The following HLCS variants were observed in gnomAD, a reference collection of about 807,000 sequenced individuals.
HLCS encodes biotin--protein ligase.
HLCS carries 53 observed loss-of-function variants against 75.0 expected under a neutral mutation model. The ratio of observed to expected loss-of-function variants is 0.71; its 90% CI spans 0.57 to 0.89. The LOEUF is 0.89. HLCS is among the 40% of genes least tolerant of loss of function. The pLI, the probability that HLCS is intolerant of heterozygous loss-of-function variation, is 0.00. For synonymous variants in HLCS, 431 were observed against 428.6 expected, an observed-to-expected ratio of 1.01 and a Z score of -0.07; for missense variants, 966 against 1,074.0, an observed-to-expected ratio of 0.90 and a Z score of 1.41.
chr21:36,897,225 T>G, intron 5 of HLCS, 94 bp from the exon 6 acceptor site: 3 of 1,218,164 alleles, frequency 2.5e-6, no homozygotes, highest in Non-Finnish European at 3.6e-6. Flanking sequence ...GTAATATGAG[T>G]ACTTCCTAAT....
At chr21:36,956,678 C>G (rs1006242837) in intron 2 of HLCS, among the ~76,000 whole-genome samples, 1 of 151,746 alleles carries the variant, frequency 6.6e-6, no homozygotes, top group Non-Finnish European at 1.5e-5. Flanking sequence ...GGCAGTGAGC[C>G]GAGATCGTGC....
chr21:36,858,498 TG>T (rs2146178523), intron 6 of HLCS, among the ~76,000 whole-genome samples: 1 of 152,356 alleles, frequency 6.6e-6, no homozygotes, highest in East Asian at 1.9e-4. Flanking sequence ...GTTTATGAAA[TG>T]CATCCACTCA....
intron 6 of HLCS, among the ~76,000 whole-genome samples, chr21:36,773,339 G>A (rs1295398439): frequency 6.6e-6 from 1 of 152,244 alleles, no homozygotes; most frequent in Non-Finnish European, 1.5e-5. Flanking sequence ...TGCCGCACAG[G>A]CCAAGGCCAC....
chr21:36,975,327 A>G (rs2068906857), intron 1 of HLCS, among the ~76,000 whole-genome samples: 1 of 151,962 alleles, frequency 6.6e-6, no homozygotes, highest in South Asian at 2.1e-4. Context: ...ACAGTCTCAC[A>G]TGGTCCCTTC....
At chr21:36,914,512 G>A (rs2065846927) in intron 5 of HLCS, among the ~76,000 whole-genome samples, 1 of 152,216 alleles carries the variant, frequency 6.6e-6, no homozygotes, top group Non-Finnish European at 1.5e-5. Context: ...CTCAGACGCT[G>A]AAAGGCCCAG....
intron 6 of HLCS, among the ~76,000 whole-genome samples, chr21:36,892,670 T>C (rs1172214860): frequency 6.6e-6 from 1 of 152,240 alleles, no homozygotes; most frequent in Non-Finnish European, 1.5e-5. Context: ...CAGAAACTGC[T>C]GGCTGTTCCC....
At chr21:36,863,832 T>C (rs1459125202) in intron 6 of HLCS, among the ~76,000 whole-genome samples, 2 of 84 alleles carry the variant, frequency 0.024, no homozygotes, top group Admixed American at 0.2. Context: ...GCTCTGATGC[T>C]GTGGTGTTGG....
chr21:36,896,536 A>C, intron 6 of HLCS: 1 of 391,682 alleles, frequency 2.6e-6, no homozygotes, highest in South Asian at 2.4e-5. Flanking sequence ...AAGAAGAATG[A>C]TAACCTGAGC....
chr21:36,809,118 G>A (rs1242285444), intron 6 of HLCS, among the ~76,000 whole-genome samples: 1 of 151,974 alleles, frequency 6.6e-6, no homozygotes, highest in Non-Finnish European at 1.5e-5. Flanking sequence ...GGAGGCTGAG[G>A]CAGGAGAACT....
At chr21:36,962,793 CAAAA>C (rs386394699) in intron 1 of HLCS, among the ~76,000 whole-genome samples, 2 of 80,222 alleles carry the variant, frequency 2.5e-5, no homozygotes, top group African/African-American at 5.1e-5. Flanking sequence ...GACCCTATCT[CAAAA>C]AAAAAAAAAA....
chr21:36,880,216 G>A lies in HLCS; in HGVS notation c.1892+16644C>T, dbSNP rs571976864. Among the ~76,000 whole-genome samples the A allele has an allele frequency of 3.3e-5, 5 of 152,268 alleles. 1 individual carries two copies. In the East Asian group the frequency reaches 9.7e-4, roughly 29 times the overall value. On this transcript the variant is annotated intron_variant, in intron 6 of 10. Transcript: ENST00000674895. Reference sequence around the variant, plus strand: ...AAACTGCCTGTAATCTTACAACGGTGCTCTATCTCCACTGCCTGGAACAAA... The same window carrying A: ...AAACTGCCTGTAATCTTACAACGGTACTCTATCTCCACTGCCTGGAACAAA...
intron 6 of HLCS, among the ~76,000 whole-genome samples, chr21:36,860,991 C>G (rs1056694332): frequency 1.3e-5 from 2 of 152,196 alleles, no homozygotes; most frequent in African/African-American, 4.8e-5. Context: ...TATTCATTTT[C>G]TCAATTTTTC....
At chr21:36,985,936 C>T (rs929399627) in intron 1 of HLCS, among the ~76,000 whole-genome samples, 3 of 152,132 alleles carry the variant, frequency 2.0e-5, no homozygotes, top group Non-Finnish European at 4.4e-5. Context: ...TCCAGAAGAA[C>T]CACTATAAAG....
chr21:36,838,254 G>A (rs971543915), intron 6 of HLCS, among the ~76,000 whole-genome samples: 22 of 151,020 alleles, frequency 1.5e-4, no homozygotes, highest in Non-Finnish European at 3.1e-4. Flanking sequence ...CCAGGTAGCT[G>A]GTCACAATGG....
intron 5 of HLCS, among the ~76,000 whole-genome samples, chr21:36,913,499 C>T (rs1287456152): frequency 3.9e-5 from 6 of 152,076 alleles, no homozygotes; most frequent in Non-Finnish European, 5.9e-5. Context: ...TGGTGGCTCA[C>T]GCTGTAATCC....
intron 5 of HLCS, among the ~76,000 whole-genome samples, chr21:36,918,284 A>G (rs1259749893): frequency 6.6e-6 from 1 of 152,236 alleles, no homozygotes; most frequent in Non-Finnish European, 1.5e-5. Flanking sequence ...AACAAAATTA[A>G]ATATTCAGGA....
chr21:36,909,115 T>C, intron 5 of HLCS, among the ~76,000 whole-genome samples: 1 of 152,198 alleles, frequency 6.6e-6, no homozygotes. Context: ...CAGAATGGCA[T>C]GAACCTCGGA....
intron 4 of HLCS, among the ~76,000 whole-genome samples, chr21:36,930,990 C>T (rs2066611182): frequency 6.6e-6 from 1 of 152,128 alleles, no homozygotes; most frequent in Admixed American, 6.5e-5. Context: ...ATTATAGGAA[C>T]AAAATATCTA....
rs2062651936 is a variant in HLCS at position 36,842,555 on chromosome 21, C to T, written c.1892+54305G>A. The stretch of plus-strand genomic sequence containing the variant: ...AGGAGTTCGAGACCAGCCTGGCCAA[C>T]AATGCAAAACCTCATTTCTACTAAA... On this transcript the variant is annotated intron_variant, in intron 6 of 10. Transcript: ENST00000674895. The surrounding 1 kb of genome is among the most constrained non-coding windows in gnomAD (Gnocchi z 4.2). Among the ~76,000 whole-genome samples, 1 of 152,096 alleles carries T rather than the reference C, an allele frequency of 6.6e-6. No homozygotes were observed. Among genetic ancestry groups the T allele is most frequent in the Admixed American group, 6.5e-5 (1 of 15,268 alleles).
Sources: gnomAD v4.1 joint callset for allele counts (sites outside exome capture counted in the v4.1 genomes callset) on GRCh38, gnomAD v4.1.1 for gene constraint, Gnocchi (gnomAD v3.1) non-coding constraint, MANE v1.5 for transcripts, NCBI Gene and HGNC (gene_info 2026-07-23, HGNC 2026-07-21) for gene names.